KIRREL3: variants seen among roughly 807,000 people sequenced by gnomAD.
KIRREL3 encodes kirre like nephrin family adhesion molecule 3, also known as kin of IRRE-like protein 3.
KIRREL3 carries 36 observed loss-of-function variants against 89.7 expected under a neutral mutation model. The observed-to-expected ratio is 0.40, with a 90% CI of 0.31 to 0.53. KIRREL3 has a LOEUF of 0.53. Ranked by LOEUF, KIRREL3 falls within the 20% of genes least tolerant of loss-of-function variation. KIRREL3 has a pLI of 0.49. For missense variants in KIRREL3, 864 were observed against 1,056.6 expected (o/e 0.82, Z 2.53); for synonymous variants, 445 against 441.4 (o/e 1.01, Z -0.10).
In KIRREL3 at chr11:126,553,185, A is replaced by G. The variant is rs34770346; in HGVS notation, c.133+9650T>C. Among the ~76,000 whole-genome samples the G allele has an allele frequency of 0.13, 19,985 of 152,218 alleles. 1,721 individuals carry two copies. Among genetic ancestry groups the G allele is most frequent in the Non-Finnish European group, 0.19 (13,110 of 67,994 alleles). On this transcript the variant is annotated intron_variant, in intron 2 of 16. Transcript: ENST00000525144. This position sits in a 1 kb window ranked among gnomAD's most constrained non-coding sequence, Gnocchi z 4.7. ...AGGAGATCTCTCTGACCATTGCTGGACATTATGGGCTTACAGTGTGTCCCT... is the reference window on the plus strand; with the variant it reads ...AGGAGATCTCTCTGACCATTGCTGGGCATTATGGGCTTACAGTGTGTCCCT...
intron 1 of KIRREL3, among the ~76,000 whole-genome samples, chr11:126,590,737 A>G (rs558290921): frequency 5.3e-5 from 8 of 152,278 alleles, no homozygotes; most frequent in African/African-American, 1.9e-4. Context: ...ACCAGGCTCA[A>G]GGAGGCTGGG....
intron 1 of KIRREL3, among the ~76,000 whole-genome samples, chr11:126,582,013 A>G (rs911781383): frequency 6.6e-6 from 1 of 152,136 alleles, no homozygotes; most frequent in African/African-American, 2.4e-5. Context: ...CCTGGGGCTT[A>G]AGCAGCCTGC....
chr11:126,697,745 C>T lies in KIRREL3; in HGVS notation c.56-134833G>A, dbSNP rs770850197. Among the ~76,000 whole-genome samples, 11 of 152,198 alleles carry T rather than the reference C, an allele frequency of 7.2e-5. No homozygotes were observed. Among genetic ancestry groups the T allele is most frequent in the Admixed American group, 1.3e-4 (2 of 15,282 alleles). ...GGGACTCAGCTTCTCCCGGGGCCTC[C>T]GGGTGGGTCCCATGATTGCTCTGAT... On this transcript the variant is annotated intron_variant, in intron 1 of 16. Transcript: ENST00000525144. The surrounding 1 kb of genome is among the most constrained non-coding windows in gnomAD (Gnocchi z 4.2).
chr11:126,616,985 G>T (rs1310796281), intron 1 of KIRREL3, among the ~76,000 whole-genome samples: 1 of 152,214 alleles, frequency 6.6e-6, no homozygotes, highest in Non-Finnish European at 1.5e-5. Context: ...AAGCCAGAGA[G>T]TCTTACTTAA....
In KIRREL3 at chr11:126,655,005, G is replaced by C. The variant is rs959429686; in HGVS notation, c.56-92093C>G. On this transcript the variant is annotated intron_variant, in intron 1 of 16. Transcript: ENST00000525144. This position sits in a 1 kb window ranked among gnomAD's most constrained non-coding sequence, Gnocchi z 5.0. ...CTGCCAGATTTTACATAGGAGGAAGGAAGACACCGAAAGATGTTCCTAGCT... is the reference window on the plus strand; with the variant it reads ...CTGCCAGATTTTACATAGGAGGAAGCAAGACACCGAAAGATGTTCCTAGCT... Among the ~76,000 whole-genome samples the C allele has an allele frequency of 5.9e-5, 9 of 152,164 alleles. No homozygotes were observed. Among genetic ancestry groups the C allele is most frequent in the Non-Finnish European group, 1.0e-4 (7 of 68,032 alleles).
chr11:126,820,250 G>A (rs192448375), intron 1 of KIRREL3, among the ~76,000 whole-genome samples: 9 of 152,258 alleles, frequency 5.9e-5, no homozygotes, highest in Admixed American at 2.6e-4. Context: ...GGGTTAACCC[G>A]GAGTTGCAGA....
At position 126,814,194 on chromosome 11, in the gene KIRREL3, A is replaced by G. The variant is rs186002894; in HGVS notation, c.55+186261T>C. Reference sequence around the variant, plus strand: ...GATCATTAGATAAATGCAAATAAAAACCACAATGACATACCATCTCATGCC... The same window carrying G: ...GATCATTAGATAAATGCAAATAAAAGCCACAATGACATACCATCTCATGCC... On this transcript the variant is annotated intron_variant, in intron 1 of 16. Transcript: ENST00000525144. This position sits in a 1 kb window ranked among gnomAD's most constrained non-coding sequence, Gnocchi z 4.4. Among the ~76,000 whole-genome samples the G allele has an allele frequency of 2.2e-4, 33 of 152,308 alleles. No individual in the cohort carries two copies. The highest frequency in any genetic ancestry group is 2.2e-3 in the Admixed American group (33 of 15,306).
Position 126,870,513 on chromosome 11 carries a change from T to A in KIRREL3, c.55+129942A>T, listed in dbSNP as rs1255599204. On this transcript the variant is annotated intron_variant, in intron 1 of 16. Coordinates refer to ENST00000525144, the MANE Select transcript of KIRREL3 (RefSeq NM_032531.4). The surrounding 1 kb of genome is among the most constrained non-coding windows in gnomAD (Gnocchi z 4.4). ...CTGAAAGGCAGGTCCTTGCAAGAGG[T>A]AAAAGGCTCAGTAGAATGCAGCTTC... Among the ~76,000 whole-genome samples the A allele has an allele frequency of 6.6e-6, 1 of 152,086 alleles. No individual in the cohort carries two copies. The highest frequency in any genetic ancestry group is 1.9e-4 in the East Asian group (1 of 5,180).
rs1945326504 is a variant in KIRREL3, at chr11:126,877,218, C to T, written c.55+123237G>A. Among the ~76,000 whole-genome samples, 1 of 152,194 alleles carries T rather than the reference C, an allele frequency of 6.6e-6. No individual in the cohort carries two copies. Among genetic ancestry groups the T allele is most frequent in the Admixed American group, 6.5e-5 (1 of 15,282 alleles). Reference sequence around the variant, plus strand: ...TTAGTTGACAGCCAGTGGCACGAATCCACTGGTGAGAAGAGTTCTCTTCTC... The same window carrying T: ...TTAGTTGACAGCCAGTGGCACGAATTCACTGGTGAGAAGAGTTCTCTTCTC... On this transcript the variant is annotated intron_variant, in intron 1 of 16. Coordinates refer to ENST00000525144, the MANE Select transcript of KIRREL3 (RefSeq NM_032531.4). This position sits in a 1 kb window ranked among gnomAD's most constrained non-coding sequence, Gnocchi z 4.9.
chr11:126,589,717 G>C (rs1336777685), intron 1 of KIRREL3, among the ~76,000 whole-genome samples: 1 of 152,194 alleles, frequency 6.6e-6, no homozygotes, highest in Non-Finnish European at 1.5e-5. Flanking sequence ...TATAGGGCGT[G>C]AGTGCAGCCC....
chr11:126,601,958 C>T lies in KIRREL3; in HGVS notation c.56-39046G>A, dbSNP rs1591802491. 6.6e-6 allele frequency among the ~76,000 whole-genome samples: 1 copy of T among 152,296 alleles called. No individual in the cohort carries two copies. The highest frequency in any genetic ancestry group is 2.1e-4 in the South Asian group (1 of 4,826). ...GAAACAAGGTCACCTGAGGCCGCCT[C>T]TTTGATTTGCCTGACAGAGTCACAG... On this transcript the variant is annotated intron_variant, in intron 1 of 16. Transcript: ENST00000525144. The surrounding 1 kb of genome is among the most constrained non-coding windows in gnomAD (Gnocchi z 5.8).
intron 1 of KIRREL3, among the ~76,000 whole-genome samples, chr11:126,968,220 T>C (rs552549667): frequency 6.6e-6 from 1 of 152,118 alleles, no homozygotes. Context: ...TGCTTCTGTA[T>C]TTTTTTTAAT....
In KIRREL3 at chr11:126,492,423, T is replaced by G. The variant is rs146718846; in HGVS notation, c.434-18957A>C. 7.2e-4 allele frequency among the ~76,000 whole-genome samples: 109 copies of G among 152,204 alleles called. 2 individuals carry two copies. The East Asian group carries it at 0.017, about 24-fold the overall frequency. ...CTCAGCCCCTGTCCACTCAAGTACT[T>G]CCTCATTAGTTTTGCTGAAGTTACT... On this transcript the variant is annotated intron_variant, in intron 4 of 16. Coordinates refer to ENST00000525144, the MANE Select transcript of KIRREL3 (RefSeq NM_032531.4). This position sits in a 1 kb window ranked among gnomAD's most constrained non-coding sequence, Gnocchi z 4.8.
In KIRREL3 at chr11:126,715,773, A is replaced by G. The variant is rs2134157447; in HGVS notation, c.56-152861T>C. Among the ~76,000 whole-genome samples, 1 of 152,340 alleles carries G rather than the reference A, an allele frequency of 6.6e-6. No individual in the cohort carries two copies. Among genetic ancestry groups the G allele is most frequent in the East Asian group, 1.9e-4 (1 of 5,186 alleles). Reference sequence around the variant, plus strand: ...ACTGCACAAGAGCAAGAGGGAAGACAGAGAATGTTCAAACACCATCCACGA... The same window carrying G: ...ACTGCACAAGAGCAAGAGGGAAGACGGAGAATGTTCAAACACCATCCACGA... On this transcript the variant is annotated intron_variant, in intron 1 of 16. Coordinates refer to ENST00000525144, the MANE Select transcript of KIRREL3 (RefSeq NM_032531.4). The surrounding 1 kb of genome is among the most constrained non-coding windows in gnomAD (Gnocchi z 4.4).
intron 1 of KIRREL3, among the ~76,000 whole-genome samples, chr11:126,984,194 C>T (rs908794591): frequency 6.6e-6 from 1 of 152,150 alleles, no homozygotes; most frequent in South Asian, 2.1e-4. Context: ...CTGAATAGTG[C>T]CCTTCATAGA....
At chr11:126,956,214 C>T (rs577654196) in intron 1 of KIRREL3, among the ~76,000 whole-genome samples, 7 of 152,316 alleles carry the variant, frequency 4.6e-5, no homozygotes, top group East Asian at 3.9e-4. Context: ...GGCCAGGCAT[C>T]GAGCCGTGCA....
intron 1 of KIRREL3, among the ~76,000 whole-genome samples, chr11:126,820,880 G>A (rs1371063785): frequency 6.6e-6 from 1 of 152,150 alleles, no homozygotes; most frequent in Non-Finnish European, 1.5e-5. Context: ...GACATTGACA[G>A]CTACCTTGAG....
intron 1 of KIRREL3, among the ~76,000 whole-genome samples, chr11:126,784,219 T>C (rs1950414262): frequency 6.6e-6 from 1 of 152,232 alleles, no homozygotes; most frequent in African/African-American, 2.4e-5. Flanking sequence ...AAACGAAGTA[T>C]GGACTTTAGT....
chr11:126,426,106 C>T (rs544422859), intron 15 of KIRREL3, among the ~76,000 whole-genome samples: 3 of 152,352 alleles, frequency 2.0e-5, no homozygotes, highest in South Asian at 4.1e-4. Context: ...CACAGATTAA[C>T]GTACATTAAG....
Sources: allele counts gnomAD v4.1 joint callset (sites outside exome capture counted in the v4.1 genomes callset), GRCh38; gene constraint gnomAD v4.1.1; non-coding constraint Gnocchi (gnomAD v3.1); transcripts MANE v1.5; gene names NCBI Gene and HGNC (gene_info 2026-07-23, HGNC 2026-07-21).